The following ITPR2 variants were observed in gnomAD, a reference collection of about 807,000 sequenced individuals.
ITPR2 encodes the protein inositol 1,4,5-trisphosphate receptor type 2.
In ITPR2, 207 loss-of-function variants were observed where a neutral mutation model predicts 317.1. The ratio of observed to expected loss-of-function variants is 0.65; its 90% CI spans 0.58 to 0.73. ITPR2 has a LOEUF of 0.73. Ranked by LOEUF, ITPR2 falls within the 30% of genes least tolerant of loss-of-function variation. ITPR2 has a pLI of 0.00. For missense variants in ITPR2, 2,613 were observed against 3,284.0 expected (o/e 0.80, Z 4.99); for synonymous variants, 1,156 against 1,149.1 (o/e 1.01, Z -0.12).
intron 21 of ITPR2, among the ~76,000 whole-genome samples, chr12:26,637,306 T>A (rs1946884398): frequency 6.6e-6 from 1 of 151,976 alleles, no homozygotes; most frequent in Non-Finnish European, 1.5e-5. Flanking sequence ...CATAAAAAAA[T>A]TAAGAACAAG....
chr12:26,649,518 G>C (rs920961802), intron 21 of ITPR2: 7 of 152,014 alleles, frequency 4.6e-5, no homozygotes, highest in African/African-American at 1.7e-4. Flanking sequence ...ATTGCATTTA[G>C]TTGTCATGTC....
chr12:26,432,080 A>G (rs1393688872), intron 48 of ITPR2, among the ~76,000 whole-genome samples: 2 of 152,148 alleles, frequency 1.3e-5, no homozygotes, highest in South Asian at 4.1e-4. Flanking sequence ...CCAAATGTCA[A>G]CACCTCATAT....
chr12:26,568,133 A>T (rs1465069788), intron 34 of ITPR2, among the ~76,000 whole-genome samples: 1 of 150,312 alleles, frequency 6.7e-6, no homozygotes, highest in Non-Finnish European at 1.5e-5. Flanking sequence ...TACTACAGTT[A>T]GCCATTCTTC....
intron 37 of ITPR2, among the ~76,000 whole-genome samples, chr12:26,506,966 T>C (rs1391781888): frequency 6.6e-6 from 1 of 152,238 alleles, no homozygotes; most frequent in Non-Finnish European, 1.5e-5. Context: ...AAGATAATTC[T>C]TTTACCTCAT....
intron 35 of ITPR2, 41 bp from the exon 36 acceptor site, chr12:26,556,416 G>T (rs779387365): frequency 2.3e-5 from 37 of 1,581,972 alleles, no homozygotes; most frequent in Non-Finnish European, 3.1e-5. Flanking sequence ...GAAGGCGTAA[G>T]TCAGATTTCA....
chr12:26,368,566 G>A (rs7138138), intron 55 of ITPR2, among the ~76,000 whole-genome samples: 148,524 of 152,214 alleles, frequency 0.98, 72,574 homozygotes, highest in Non-Finnish European at 1. Flanking sequence ...GCTAGGAAAT[G>A]GCCAAGCTGG....
intron 45 of ITPR2, among the ~76,000 whole-genome samples, chr12:26,470,959 A>G (rs1378519994): frequency 6.6e-6 from 1 of 152,230 alleles, no homozygotes; most frequent in East Asian, 1.9e-4. Flanking sequence ...TCAAATGAAG[A>G]ACAATTATGT....
At chr12:26,399,872 C>A (rs758849452) in intron 53 of ITPR2, among the ~76,000 whole-genome samples, 1 of 152,194 alleles carries the variant, frequency 6.6e-6, no homozygotes, top group Non-Finnish European at 1.5e-5. Context: ...AGTTCGCAGT[C>A]ATGATTTCAT....
chr12:26,742,062 CCAA>C (rs1325913856), intron 2 of ITPR2, among the ~76,000 whole-genome samples: 1 of 152,112 alleles, frequency 6.6e-6, no homozygotes, highest in African/African-American at 2.4e-5. Flanking sequence ...AGTGCCCACA[CCAA>C]CAAGAACAAG....
At position 26,467,825 on chromosome 12, in the gene ITPR2, C is replaced by T. The variant is rs1942204216; in HGVS notation, c.6342+7471G>A. On this transcript the variant is annotated intron_variant, in intron 45 of 56. Transcript: ENST00000381340. Reference sequence around the variant, plus strand: ...CAATTTGAGAGGTCATTTAAATGGCCATAACCCAAAGATTCTTAGTTGCTC... The same window carrying T: ...CAATTTGAGAGGTCATTTAAATGGCTATAACCCAAAGATTCTTAGTTGCTC... 2.0e-5 allele frequency among the ~76,000 whole-genome samples: 3 copies of T among 152,162 alleles called. No homozygotes were observed. The South Asian group carries it at 6.2e-4, about 32-fold the overall frequency.
chr12:26,611,595 A>G (rs1188933124), intron 26 of ITPR2, among the ~76,000 whole-genome samples: 1 of 152,180 alleles, frequency 6.6e-6, no homozygotes, highest in African/African-American at 2.4e-5. Flanking sequence ...GCTGGCAACC[A>G]TATATAGGTG....
At chr12:26,523,484 C>A (rs1396614086) in intron 37 of ITPR2, among the ~76,000 whole-genome samples, 1 of 151,818 alleles carries the variant, frequency 6.6e-6, no homozygotes, top group Non-Finnish European at 1.5e-5. Context: ...AAAATACTGG[C>A]AGCCTTTTAA....
chr12:26,472,711 T>C (rs556501249), intron 45 of ITPR2, among the ~76,000 whole-genome samples: 1 of 152,222 alleles, frequency 6.6e-6, no homozygotes, highest in Non-Finnish European at 1.5e-5. Flanking sequence ...TAATTGGCCT[T>C]TATGCCATCT....
chr12:26,455,596 A>T (rs1450610970), intron 45 of ITPR2, among the ~76,000 whole-genome samples: 1 of 152,194 alleles, frequency 6.6e-6, no homozygotes, highest in Non-Finnish European at 1.5e-5. Flanking sequence ...ACCCTTTTAA[A>T]TGTTATCTAG....
chr12:26,719,568 C>T (rs1167464009), intron 5 of ITPR2, among the ~76,000 whole-genome samples: 3 of 152,164 alleles, frequency 2.0e-5, no homozygotes, highest in African/African-American at 4.8e-5. Context: ...GGAATCTAAA[C>T]GCCAGGGTTC....
intron 52 of ITPR2, among the ~76,000 whole-genome samples, chr12:26,404,088 G>T (rs1387591482): frequency 6.6e-6 from 1 of 152,182 alleles, no homozygotes; most frequent in Non-Finnish European, 1.5e-5. Context: ...ACTGGAGGTG[G>T]AAAGACCACT....
intron 2 of ITPR2, among the ~76,000 whole-genome samples, chr12:26,742,208 A>C (rs979628763): frequency 4.6e-5 from 7 of 152,258 alleles, no homozygotes; most frequent in African/African-American, 1.4e-4. Context: ...CACAGGATTC[A>C]TCACAGCCCA....
intron 49 of ITPR2, among the ~76,000 whole-genome samples, chr12:26,426,623 A>G (rs138635762): frequency 6.6e-6 from 1 of 152,132 alleles, no homozygotes; most frequent in Admixed American, 6.6e-5. Flanking sequence ...CCCTTTATTG[A>G]CAATGATTGA....
intron 18 of ITPR2, 149 bp from the exon 19 acceptor site, chr12:26,656,697 A>G: frequency 1.3e-6 from 1 of 785,562 alleles, no homozygotes; most frequent in Non-Finnish European, 2.0e-6. Flanking sequence ...TATGTTAACC[A>G]TTAAGATCAA....
Sources: allele counts gnomAD v4.1 joint callset (sites outside exome capture counted in the v4.1 genomes callset), GRCh38; gene constraint gnomAD v4.1.1; transcripts MANE v1.5; gene names NCBI Gene and HGNC (gene_info 2026-07-23, HGNC 2026-07-21).